BANK1: variants seen among roughly 807,000 people sequenced by gnomAD.
BANK1 encodes B cell scaffold protein with ankyrin repeats 1, also known as B-cell scaffold protein with ankyrin repeats.
Under a neutral mutation model 94.5 loss-of-function variants are expected in BANK1, and 95 were observed. The ratio of observed to expected loss-of-function variants is 1.00; its 90% confidence interval spans 0.85 to 1.19. BANK1 has a LOEUF of 1.19. Among genes scored for constraint, BANK1 ranks in the 50% most tolerant of loss-of-function variants. The pLI is 0.00. For synonymous variants in BANK1, 334 were observed against 308.4 expected, an observed-to-expected ratio of 1.08 and a Z score of -0.87; for missense variants, 987 against 932.2, an observed-to-expected ratio of 1.06 and a Z score of -0.77.
chr4:101,965,838 G>T (rs1413267396), intron 7 of BANK1, among the ~76,000 whole-genome samples: 6 of 151,938 alleles, frequency 3.9e-5, no homozygotes, highest in African/African-American at 1.5e-4. Flanking sequence ...CTTTCTTCAG[G>T]AATTTTCATT....
intron 5 of BANK1, among the ~76,000 whole-genome samples, chr4:101,893,108 T>C (rs1384574414): frequency 2.0e-5 from 3 of 152,030 alleles, no homozygotes; most frequent in Non-Finnish European, 4.4e-5. Context: ...TCTTTCCTAA[T>C]TAATTGTCTT....
chr4:101,801,885 T>C (rs1725366173), intron 1 of BANK1, among the ~76,000 whole-genome samples: 1 of 152,216 alleles, frequency 6.6e-6, no homozygotes, highest in Non-Finnish European at 1.5e-5. Context: ...TTAACACTCA[T>C]TGTGTCAAAT....
At chr4:102,003,981 A>G (rs1726165153) in intron 7 of BANK1, among the ~76,000 whole-genome samples, 1 of 151,810 alleles carries the variant, frequency 6.6e-6, no homozygotes, top group Non-Finnish European at 1.5e-5. Context: ...CTATATACAT[A>G]CACATATACA....
intron 7 of BANK1, among the ~76,000 whole-genome samples, chr4:101,928,107 A>G (rs935171691): frequency 6.6e-6 from 1 of 151,672 alleles, no homozygotes; most frequent in Non-Finnish European, 1.5e-5. Context: ...TATCATAATA[A>G]TAAGCCTTTC....
intron 7 of BANK1, among the ~76,000 whole-genome samples, chr4:102,010,414 C>T (rs1361725266): frequency 7.8e-6 from 1 of 127,920 alleles, no homozygotes; most frequent in Non-Finnish European, 1.6e-5. Context: ...TTTTTTGGGA[C>T]GGAGTTTCAC....
intron 7 of BANK1, among the ~76,000 whole-genome samples, chr4:101,936,921 T>C (rs1723586084): frequency 6.6e-6 from 1 of 151,498 alleles, no homozygotes; most frequent in Admixed American, 6.6e-5. Context: ...AAACTAAAAA[T>C]AGAGCTACCA....
chr4:101,941,721 A>G (rs575976688), intron 7 of BANK1, among the ~76,000 whole-genome samples: 52 of 146,938 alleles, frequency 3.5e-4, no homozygotes, highest in African/African-American at 1.2e-3. Context: ...AAATATATAT[A>G]TATGCTTTCA....
intron 7 of BANK1, among the ~76,000 whole-genome samples, chr4:102,018,258 A>C (rs913076449): frequency 2.0e-5 from 3 of 152,172 alleles, no homozygotes; most frequent in Non-Finnish European, 4.4e-5. Flanking sequence ...TAATACATAG[A>C]ATGTTACAAG....
rs559337638 is a variant in BANK1, at chr4:101,979,923, A to C, written c.1207-41591A>C. 2.0e-5 allele frequency among the ~76,000 whole-genome samples: 3 copies of C among 151,836 alleles called. No individual in the cohort carries two copies. In the East Asian group the frequency reaches 5.8e-4, roughly 29 times the overall value. The stretch of plus-strand genomic sequence containing the variant: ...TTACTCAGATGAAACATATTTTCCT[A>C]TTGTTTCAAACTATTTGTATTACTT... On this transcript the variant is annotated intron_variant, in intron 7 of 16. Coordinates refer to ENST00000322953, the MANE Select transcript of BANK1 (RefSeq NM_017935.5).
chr4:101,985,806 A>C (rs1005268270), intron 7 of BANK1, among the ~76,000 whole-genome samples: 1 of 152,122 alleles, frequency 6.6e-6, no homozygotes, highest in African/African-American at 2.4e-5. Flanking sequence ...CAGATTTCTG[A>C]CATTAATTAT....
In BANK1 at chr4:101,870,660, C is replaced by T. The variant is rs756131169; in HGVS notation, c.903+16C>T. ...TTTGTGCCAGGTAAGTTAATCTTTC[C>T]ACGAAGTTAATCATAATGTAAGCTG... is the stretch of plus-strand genomic sequence containing the variant. On this transcript the variant is annotated intron_variant, in intron 5 of 16. Coordinates refer to ENST00000322953, the MANE Select transcript of BANK1 (RefSeq NM_017935.5). 5 of 1,604,560 alleles carry T rather than the reference C, an allele frequency of 3.1e-6. No homozygotes were observed. Among genetic ancestry groups the T allele is most frequent in the Admixed American group, 3.4e-5 (2 of 58,312 alleles).
At chr4:101,857,501 G>T (rs1727719391) in intron 3 of BANK1, among the ~76,000 whole-genome samples, 1 of 152,108 alleles carries the variant, frequency 6.6e-6, no homozygotes, top group African/African-American at 2.4e-5. Context: ...GCCCTCATCT[G>T]CTCTGCAGCA....
chr4:101,799,346 A>G (rs1411601393), intron 1 of BANK1, among the ~76,000 whole-genome samples: 2 of 152,196 alleles, frequency 1.3e-5, no homozygotes, highest in Admixed American at 6.5e-5. Context: ...CCAGTACCAT[A>G]CTGTTTTGGT....
intron 6 of BANK1, among the ~76,000 whole-genome samples, chr4:101,910,378 GA>G (rs368686394): frequency 2.6e-5 from 4 of 152,164 alleles, no homozygotes; most frequent in African/African-American, 9.6e-5. Context: ...CTGTGTCCTT[GA>G]ATTAAAATCA....
rs540777773 is a variant in BANK1 at position 101,827,325 on chromosome 4, A to T, written c.71-2483A>T. On this transcript the variant is annotated intron_variant, in intron 1 of 16. Transcript: ENST00000322953. ...AGTAAAACTAATGATATATTTTAAGATAAAAATTTCTTTGACTACTTTTTA... is the reference window on the plus strand; with the variant it reads ...AGTAAAACTAATGATATATTTTAAGTTAAAAATTTCTTTGACTACTTTTTA... Among the ~76,000 whole-genome samples, 4 of 152,072 alleles carry T rather than the reference A, an allele frequency of 2.6e-5. No homozygotes were observed. In the South Asian group the frequency reaches 8.3e-4, roughly 31 times the overall value.
chr4:101,955,426 G>A (rs1724304050), intron 7 of BANK1, among the ~76,000 whole-genome samples: 1 of 152,006 alleles, frequency 6.6e-6, no homozygotes. Flanking sequence ...CAGTTTAGAT[G>A]CCCTTCCTTC....
intron 1 of BANK1, among the ~76,000 whole-genome samples, chr4:101,800,136 TGGGGGG>T (rs1560579075): frequency 9.7e-6 from 1 of 103,208 alleles, no homozygotes; most frequent in Non-Finnish European, 1.9e-5. Context: ...TGTTGTTGGG[TGGGGGG>T]AGGGGGGAGG....
At chr4:101,974,988 T>C (rs1725079948) in intron 7 of BANK1, among the ~76,000 whole-genome samples, 1 of 151,964 alleles carries the variant, frequency 6.6e-6, no homozygotes. Context: ...AACATTTAGG[T>C]GCAGTGTGCT....
At chr4:101,977,539 C>T (rs1725177565) in intron 7 of BANK1, among the ~76,000 whole-genome samples, 1 of 152,136 alleles carries the variant, frequency 6.6e-6, no homozygotes. Context: ...TGATGTGGCC[C>T]ATTCTTCCAC....
Sources: allele counts gnomAD v4.1 joint callset (sites outside exome capture counted in the v4.1 genomes callset), GRCh38; gene constraint gnomAD v4.1.1; transcripts MANE v1.5; gene names NCBI Gene and HGNC (gene_info 2026-07-23, HGNC 2026-07-21).